WWTR1: variants seen among roughly 807,000 people sequenced by gnomAD.
WWTR1 encodes WW domain containing transcription regulator 1.
In WWTR1, 13 loss-of-function variants were observed where a neutral mutation model predicts 40.1. That is an observed-to-expected ratio of 0.32 (90% confidence interval 0.21 to 0.52). WWTR1 has a LOEUF of 0.52. Ranked by LOEUF, WWTR1 falls within the 20% of genes least tolerant of loss-of-function variation. The probability of loss-of-function intolerance (pLI) is 0.97; values close to 1 mark genes in which losing one functional copy is unlikely to be tolerated. For missense variants in WWTR1, 436 were observed against 523.1 expected (o/e 0.83, Z 1.63); for synonymous variants, 230 against 210.1 (o/e 1.09, Z -0.82).
chr3:149,680,661 C>A (rs1373103743), intron 1 of WWTR1, among the ~76,000 whole-genome samples: 3 of 140,034 alleles, frequency 2.1e-5, no homozygotes, highest in African/African-American at 8.1e-5. Flanking sequence ...TAGAGAGACA[C>A]CATTTCTAAA....
chr3:149,649,558 G>A (rs552637566), intron 2 of WWTR1, among the ~76,000 whole-genome samples: 54 of 152,222 alleles, frequency 3.5e-4, no homozygotes, highest in Admixed American at 7.8e-4. Context: ...ATGCCTAGAC[G>A]GAACATTAAA....
At chr3:149,692,145 C>A (rs1275970855) in intron 1 of WWTR1, among the ~76,000 whole-genome samples, 5 of 147,546 alleles carry the variant, frequency 3.4e-5, no homozygotes, top group African/African-American at 1.3e-4. Context: ...CAACACCAGA[C>A]AAAGACACAT....
At chr3:149,566,601 C>G (rs550957876) in intron 3 of WWTR1, among the ~76,000 whole-genome samples, 5 of 152,200 alleles carry the variant, frequency 3.3e-5, no homozygotes, top group African/African-American at 1.2e-4. Context: ...CATAAGATGC[C>G]TAAGTAGAAA....
chr3:149,688,785 C>G (rs1480304886), intron 1 of WWTR1, among the ~76,000 whole-genome samples: 2 of 152,026 alleles, frequency 1.3e-5, no homozygotes, highest in Non-Finnish European at 2.9e-5. Flanking sequence ...AGGACCTCAC[C>G]AAATGAACTA....
chr3:149,606,313 T>A (rs774750576), intron 2 of WWTR1, among the ~76,000 whole-genome samples: 8 of 152,170 alleles, frequency 5.3e-5, no homozygotes, highest in Non-Finnish European at 1.0e-4. Context: ...GCGTTTCAGG[T>A]CAAAAATGTG....
chr3:149,641,590 T>C (rs752646951), intron 2 of WWTR1, among the ~76,000 whole-genome samples: 9 of 152,244 alleles, frequency 5.9e-5, no homozygotes, highest in Non-Finnish European at 1.2e-4. Context: ...TCACTACGGC[T>C]AATAATTACA....
intron 4 of WWTR1, chr3:149,540,231 C>T (rs776822594): frequency 4.8e-5 from 22 of 456,690 alleles, no homozygotes; most frequent in Admixed American, 9.4e-5. Context: ...TGCAGCACAA[C>T]GCCCCACGTT....
intron 2 of WWTR1, 85 bp downstream of exon 2, chr3:149,656,791 T>TCTCTCACACACACA (rs1553805464): frequency 3.1e-6 from 2 of 648,172 alleles, no homozygotes; most frequent in African/African-American, 4.1e-5. Flanking sequence ...TCTCTCTCTC[T>TCTCTCACACACACA]CACACACACA....
intron 2 of WWTR1, among the ~76,000 whole-genome samples, chr3:149,647,606 T>C (rs1712609786): frequency 6.6e-6 from 1 of 152,208 alleles, no homozygotes; most frequent in South Asian, 2.1e-4. Flanking sequence ...AAGTCAAGGG[T>C]AGCCTGGTAT....
In WWTR1 at chr3:149,520,835, G is replaced by A; in HGVS notation, c.1173C>T (p.Asn391=). ...PLFNDVESAL[N]KSEPFLTWL ...GCCAGGTTAGAAAGGGCTCACTTTTGTTCAGAGCAGACTCTACATCATTGA... is the reference window on the plus strand; with the variant it reads ...GCCAGGTTAGAAAGGGCTCACTTTTATTCAGAGCAGACTCTACATCATTGA... Residue 391 remains asparagine (N), a synonymous_variant, in exon 7 of 7, where the codon AAC becomes AAT. Transcript: ENST00000360632. 6.2e-7 allele frequency: 1 copy of A among 1,608,572 alleles called. No individual in the cohort carries two copies. Among genetic ancestry groups the A allele is most frequent in the East Asian group, 2.2e-5 (1 of 44,710 alleles).
At chr3:149,645,238 C>A (rs1712440106) in intron 2 of WWTR1, among the ~76,000 whole-genome samples, 1 of 152,166 alleles carries the variant, frequency 6.6e-6, no homozygotes, top group South Asian at 2.1e-4. Flanking sequence ...CGCCACCACG[C>A]CTGGCTAATT....
chr3:149,553,276 T>C (rs572494812), intron 3 of WWTR1, among the ~76,000 whole-genome samples: 2 of 152,290 alleles, frequency 1.3e-5, no homozygotes, highest in South Asian at 4.1e-4. Flanking sequence ...CACCAACGGA[T>C]CACCAATCAC....
rs755951460 is a variant in WWTR1 at position 149,527,982 on chromosome 3, T to C, written c.772-13A>G. The C allele has an allele frequency of 6.8e-6, 11 of 1,612,526 alleles. No individual in the cohort carries two copies. The highest frequency in any genetic ancestry group is 7.6e-6 in the Non-Finnish European group (9 of 1,179,306). On this transcript the variant is annotated splice_polypyrimidine_tract_variant and intron_variant, in intron 4 of 6. Transcript: ENST00000360632. ...AGAGGGCAGCTTCCTACAGTCAGAA[T>C]GGGAAGCAAGAGTCATGCACTCATT...
At chr3:149,647,467 G>A (rs1194160517) in intron 2 of WWTR1, among the ~76,000 whole-genome samples, 1 of 152,152 alleles carries the variant, frequency 6.6e-6, no homozygotes, top group East Asian at 1.9e-4. Flanking sequence ...AGTTTTGTCT[G>A]TGTCTAGTTG....
chr3:149,619,458 C>T (rs1740163728), intron 2 of WWTR1, among the ~76,000 whole-genome samples: 1 of 152,010 alleles, frequency 6.6e-6, no homozygotes, highest in Non-Finnish European at 1.5e-5. Flanking sequence ...CTATCTCTAC[C>T]AAAAGAATTT....
At chr3:149,530,921 T>C (rs1238639663) in intron 4 of WWTR1, among the ~76,000 whole-genome samples, 3 of 151,742 alleles carry the variant, frequency 2.0e-5, no homozygotes, top group East Asian at 1.9e-4. Context: ...GGGTGTTGAA[T>C]GTACCCGGAA....
intron 3 of WWTR1, among the ~76,000 whole-genome samples, chr3:149,561,230 T>C (rs984637413): frequency 2.2e-4 from 33 of 152,196 alleles, no homozygotes; most frequent in Admixed American, 6.5e-5. Context: ...TATGGCATTA[T>C]TGGTTAAATA....
At chr3:149,629,781 G>A (rs140304739) in intron 2 of WWTR1, among the ~76,000 whole-genome samples, 1 of 152,136 alleles carries the variant, frequency 6.6e-6, no homozygotes, top group Admixed American at 6.5e-5. Flanking sequence ...CATCTACTAT[G>A]GAGTATCTGA....
intron 4 of WWTR1, among the ~76,000 whole-genome samples, chr3:149,532,996 C>T (rs1365207914): frequency 6.6e-6 from 1 of 152,230 alleles, no homozygotes; most frequent in Non-Finnish European, 1.5e-5. Context: ...CAGCTGCCTT[C>T]ACTCAGCACC....
Sources: gnomAD v4.1 joint callset for allele counts (sites outside exome capture counted in the v4.1 genomes callset) on GRCh38, gnomAD v4.1.1 for gene constraint, MANE v1.5 for transcripts, NCBI Gene and HGNC (gene_info 2026-07-23, HGNC 2026-07-21) for gene names.